Variants in SLC35F3 observed in about 807,000 individuals in gnomAD.
SLC35F3 encodes solute carrier family 35 member F3, also known as putative thiamine transporter SLC35F3.
Under a neutral mutation model 49.9 loss-of-function variants are expected in SLC35F3, and 25 were observed. The ratio of observed to expected loss-of-function variants is 0.50; its 90% confidence interval spans 0.37 to 0.70. SLC35F3 has a LOEUF of 0.70. SLC35F3 is among the 30% of genes least tolerant of loss of function. The probability of loss-of-function intolerance (pLI) is 0.00; values close to 1 mark genes in which losing one functional copy is unlikely to be tolerated. For synonymous variants in SLC35F3, 275 were observed against 265.4 expected, an observed-to-expected ratio of 1.04 and a Z score of -0.35; for missense variants, 525 against 639.8, an observed-to-expected ratio of 0.82 and a Z score of 1.94.
intron 3 of SLC35F3, among the ~76,000 whole-genome samples, chr1:234,255,665 G>A (rs1667809856): frequency 6.6e-6 from 1 of 152,182 alleles, no homozygotes; most frequent in South Asian, 2.1e-4. Flanking sequence ...AAGCCAGTCT[G>A]AAAAGGCTAT....
At chr1:233,922,727 C>T (rs1662086342) in intron 2 of SLC35F3, among the ~76,000 whole-genome samples, 1 of 152,074 alleles carries the variant, frequency 6.6e-6, no homozygotes, top group Admixed American at 6.6e-5. Flanking sequence ...TTGCCCATAC[C>T]CATGTCATGA....
chr1:234,251,730 G>C (rs1363792402), intron 3 of SLC35F3, among the ~76,000 whole-genome samples: 1 of 152,082 alleles, frequency 6.6e-6, no homozygotes, highest in African/African-American at 2.4e-5. Context: ...AATATACTCT[G>C]AAGCCTCAGT....
At chr1:234,049,011 A>C (rs1664334141) in intron 2 of SLC35F3, among the ~76,000 whole-genome samples, 1 of 152,236 alleles carries the variant, frequency 6.6e-6, no homozygotes, top group African/African-American at 2.4e-5. Context: ...AATTTGCCTC[A>C]GCATGATTTC....
intron 2 of SLC35F3, among the ~76,000 whole-genome samples, chr1:234,058,963 A>T (rs1004941842): frequency 1.3e-5 from 2 of 152,150 alleles, no homozygotes; most frequent in African/African-American, 4.8e-5. Flanking sequence ...TCTGCATACA[A>T]TTGTTCTTAG....
rs1343578126 is a variant in SLC35F3 at position 234,046,470 on chromosome 1, A to G, written c.283+140712A>G. On this transcript the variant is annotated intron_variant, in intron 2 of 7. Transcript: ENST00000366618. This position sits in a 1 kb window ranked among gnomAD's most constrained non-coding sequence, Gnocchi z 4.4. ...TTTTCAATTGAATTGTCTTTTCTGT[A>G]TTGATTTGTAATTCTTTATATAGTC... Among the ~76,000 whole-genome samples the G allele has an allele frequency of 6.6e-6, 1 of 151,980 alleles. No homozygotes were observed. The highest frequency in any genetic ancestry group is 1.9e-4 in the East Asian group (1 of 5,192).
At chr1:234,093,072 C>T (rs1340494285) in intron 2 of SLC35F3, among the ~76,000 whole-genome samples, 6 of 152,154 alleles carry the variant, frequency 3.9e-5, no homozygotes, top group Non-Finnish European at 5.9e-5. Context: ...GATTGTGGGA[C>T]ACTCATTTAA....
At chr1:234,235,932 G>T (rs753430272) in intron 3 of SLC35F3, among the ~76,000 whole-genome samples, 2 of 152,228 alleles carry the variant, frequency 1.3e-5, no homozygotes, top group Non-Finnish European at 2.9e-5. Context: ...AAAGAGCAGA[G>T]TGGAGCAGTT....
intron 2 of SLC35F3, among the ~76,000 whole-genome samples, chr1:234,204,405 G>A (rs981860586): frequency 6.6e-6 from 1 of 152,106 alleles, no homozygotes; most frequent in African/African-American, 2.4e-5. Flanking sequence ...TTCCCATCAA[G>A]CTACAACATT....
intron 2 of SLC35F3, among the ~76,000 whole-genome samples, chr1:234,089,332 G>T (rs150355650): frequency 9.8e-5 from 15 of 152,334 alleles, no homozygotes; most frequent in African/African-American, 3.4e-4. Flanking sequence ...GTGGAAGGAC[G>T]GCATTAGGGA....
At chr1:234,090,829 G>A (rs1293275309) in intron 2 of SLC35F3, among the ~76,000 whole-genome samples, 1 of 152,186 alleles carries the variant, frequency 6.6e-6, no homozygotes, top group Non-Finnish European at 1.5e-5. Flanking sequence ...ATGACCCACA[G>A]CCAGAAATGT....
intron 4 of SLC35F3, among the ~76,000 whole-genome samples, chr1:234,309,712 G>A (rs891103807): frequency 2.0e-5 from 3 of 152,190 alleles, no homozygotes; most frequent in Admixed American, 6.5e-5. Context: ...GGAGCTTTCT[G>A]CTAACACTGC....
chr1:234,319,781 A>G (rs1358319684), intron 6 of SLC35F3, among the ~76,000 whole-genome samples: 1 of 152,236 alleles, frequency 6.6e-6, no homozygotes. Context: ...CAGTTATCCC[A>G]GAAGCATTGC....
At chr1:234,169,919 C>G (rs1487456257) in intron 2 of SLC35F3, among the ~76,000 whole-genome samples, 1 of 152,192 alleles carries the variant, frequency 6.6e-6, no homozygotes, top group African/African-American at 2.4e-5. Context: ...AGGCACCCAC[C>G]ACCATGCCAG....
At chr1:233,970,987 T>TTG (rs1161050975) in intron 2 of SLC35F3, among the ~76,000 whole-genome samples, 4 of 152,146 alleles carry the variant, frequency 2.6e-5, no homozygotes, top group African/African-American at 9.7e-5. Flanking sequence ...ATGAGAAGAA[T>TTG]TGTTTTGTTT....
intron 2 of SLC35F3, among the ~76,000 whole-genome samples, chr1:234,072,349 C>T (rs1664727171): frequency 6.6e-6 from 1 of 151,956 alleles, no homozygotes; most frequent in South Asian, 2.1e-4. Context: ...TTGCCTGTGC[C>T]AGTCATTGGG....
chr1:234,303,841 C>T (rs530183376), intron 3 of SLC35F3, among the ~76,000 whole-genome samples: 10 of 151,986 alleles, frequency 6.6e-5, no homozygotes, highest in Admixed American at 3.3e-4. Context: ...TTTTTTGGTA[C>T]TTGGTGGCCC....
intron 2 of SLC35F3, among the ~76,000 whole-genome samples, chr1:233,915,417 G>A (rs769985381): frequency 1.2e-4 from 18 of 152,142 alleles, no homozygotes; most frequent in South Asian, 2.1e-4. Context: ...ATGGTGGTGC[G>A]CACGTGTAGT....
At chr1:234,215,901 G>A (rs549384881) in intron 2 of SLC35F3, among the ~76,000 whole-genome samples, 91 of 152,292 alleles carry the variant, frequency 6.0e-4, no homozygotes, top group African/African-American at 1.9e-3. Context: ...TGGGCTGTCC[G>A]ATCCAAAGCT....
At position 234,255,694 on chromosome 1, in the gene SLC35F3, T is replaced by C. The variant is rs74937337; in HGVS notation, c.608+23953T>C. Among the ~76,000 whole-genome samples, 262 of 152,306 alleles carry C rather than the reference T, an allele frequency of 1.7e-3. 1 individual carries two copies. The highest frequency in any genetic ancestry group is 9.8e-3 in the East Asian group (51 of 5,184). The stretch of plus-strand genomic sequence containing the variant: ...AGGCTATAGACTGTTTGATTCCAGC[T>C]ATGTAACATTCTGCAAAAGGCAAAA... On this transcript the variant is annotated intron_variant, in intron 3 of 7. Transcript: ENST00000366618.
Sources: gnomAD v4.1 joint callset for allele counts (sites outside exome capture counted in the v4.1 genomes callset) on GRCh38, gnomAD v4.1.1 for gene constraint, Gnocchi (gnomAD v3.1) non-coding constraint, MANE v1.5 for transcripts, NCBI Gene and HGNC (gene_info 2026-07-23, HGNC 2026-07-21) for gene names.